Variants in SDK2 observed in about 807,000 individuals in gnomAD.
The protein encoded by SDK2 is protein sidekick-2.
A neutral mutation model predicts 253.9 loss-of-function variants in SDK2; 105 were observed. The observed-to-expected ratio is 0.41, with a 90% CI of 0.35 to 0.49. SDK2 has a LOEUF of 0.49. Ranked by LOEUF, SDK2 falls within the 20% of genes least tolerant of loss-of-function variation. SDK2 has a pLI of 0.06. For missense variants in SDK2, 2,608 were observed against 3,003.0 expected, an observed-to-expected ratio of 0.87 and a Z score of 3.07; for synonymous variants, 1,249 against 1,234.9, an observed-to-expected ratio of 1.01 and a Z score of -0.24.
chr17:73,444,008 G>A (rs912938821), intron 5 of SDK2, among the ~76,000 whole-genome samples: 2 of 152,208 alleles, frequency 1.3e-5, no homozygotes, highest in Admixed American at 1.3e-4. Context: ...GTTAATGAAT[G>A]AAAGAGCGTG....
At chr17:73,485,665 C>T (rs78867283) in intron 2 of SDK2, among the ~76,000 whole-genome samples, 4,612 of 152,288 alleles carry the variant, frequency 0.03, 215 homozygotes, top group African/African-American at 0.11. Context: ...CAAAATATAA[C>T]AATATCAAGT....
intron 5 of SDK2, among the ~76,000 whole-genome samples, chr17:73,442,880 C>T (rs1599571028): frequency 1.3e-5 from 2 of 149,188 alleles, no homozygotes. Context: ...GTAGCAATTC[C>T]TTTTTTTTAT....
intron 36 of SDK2, among the ~76,000 whole-genome samples, chr17:73,378,310 C>G (rs1219347871): frequency 6.6e-6 from 1 of 152,038 alleles, no homozygotes; most frequent in African/African-American, 2.4e-5. Context: ...CTATGTTGCC[C>G]AGGCTGTTCT....
chr17:73,595,076 A>G (rs2045736416), intron 1 of SDK2, among the ~76,000 whole-genome samples: 1 of 152,010 alleles, frequency 6.6e-6, no homozygotes, highest in Non-Finnish European at 1.5e-5. Context: ...TGTTGTTTCT[A>G]CCTCTGTACC....
Position 73,365,298 on chromosome 17 carries a change from C to T in SDK2, c.5265G>A (p.Glu1755=). The T allele has an allele frequency of 6.2e-7, 1 of 1,613,228 alleles. No homozygotes were observed. Among genetic ancestry groups the T allele is most frequent in the South Asian group, 1.1e-5 (1 of 90,926 alleles). ...EAPQFPNGIL[E]GYRLVYEPCS... is the part of the protein sequence containing the mutation. ...AGGGCTCGTACACCAGCCTGTAGCC[C>T]TCCAGGATGCCATTGGGGAACTGCG... Residue 1755 remains glutamate (E), a synonymous_variant, in exon 38 of 45, where the codon GAG becomes GAA. Coordinates refer to ENST00000392650, the MANE Select transcript of SDK2 (RefSeq NM_001144952.2).
At chr17:73,357,896 G>C in intron 40 of SDK2, 183 bp downstream of exon 40, 1 of 895,392 alleles carries the variant, frequency 1.1e-6, no homozygotes, top group Admixed American at 1.8e-5. Context: ...ACTTAGCTAG[G>C]AGTCCAGCTC....
At chr17:73,400,911 G>A (rs969929648) in intron 21 of SDK2, 109 bp downstream of exon 21, 2 of 1,073,208 alleles carry the variant, frequency 1.9e-6, no homozygotes, top group African/African-American at 3.2e-5. Context: ...GCCTCCCAAG[G>A]TGCTGGGACT....
At chr17:73,437,843 G>C (rs1356240411) in intron 7 of SDK2, 21 bp from the exon 8 acceptor site, 3 of 1,613,042 alleles carry the variant, frequency 1.9e-6, no homozygotes, top group African/African-American at 2.7e-5. Flanking sequence ...AAGGACCAGG[G>C]GAGGGGGTCA....
intron 1 of SDK2, among the ~76,000 whole-genome samples, chr17:73,641,997 AGGGGACCT>A: frequency 6.6e-6 from 1 of 152,340 alleles, no homozygotes; most frequent in Admixed American, 6.5e-5. Flanking sequence ...GCGGAGCAGC[AGGGGACCT>A]GGGCAGCCTG....
At chr17:73,344,823 A>G (rs1377499780) in intron 44 of SDK2, among the ~76,000 whole-genome samples, 1 of 152,226 alleles carries the variant, frequency 6.6e-6, no homozygotes, top group African/African-American at 2.4e-5. Flanking sequence ...AGAGCCGTTC[A>G]GTAGAATGGT....
At chr17:73,561,180 C>T (rs369717228) in intron 1 of SDK2, among the ~76,000 whole-genome samples, 122 of 152,238 alleles carry the variant, frequency 8.0e-4, no homozygotes, top group African/African-American at 2.8e-3. Flanking sequence ...AGGGGCCAAG[C>T]GAGCTATTTT....
rs8078868 is a variant in SDK2 at position 73,422,137 on chromosome 17, C to T, written c.2045+150G>A. 5,617 of 798,816 alleles carry T rather than the reference C, an allele frequency of 7.0e-3. 225 individuals are homozygous for T. The African/African-American group carries it at 0.084, about 12-fold the overall frequency. 49.5% of individuals were successfully genotyped at this position (798,816 alleles called of 1,614,324 possible). On this transcript the variant is annotated intron_variant, in intron 15 of 44. Coordinates refer to ENST00000392650, the MANE Select transcript of SDK2 (RefSeq NM_001144952.2). Reference sequence around the variant, plus strand: ...TAACCTTTGCAACATCCTGGTGAGGCACTCATCAGGATTGCTCTCCCCTTC... The same window carrying T: ...TAACCTTTGCAACATCCTGGTGAGGTACTCATCAGGATTGCTCTCCCCTTC...
intron 36 of SDK2, among the ~76,000 whole-genome samples, chr17:73,370,136 A>C (rs1233377341): frequency 1.3e-5 from 2 of 152,222 alleles, no homozygotes; most frequent in African/African-American, 4.8e-5. Context: ...GGAAGCCCAT[A>C]AAGTGAGAAA....
intron 2 of SDK2, among the ~76,000 whole-genome samples, chr17:73,501,429 C>T (rs1489702839): frequency 6.6e-6 from 1 of 152,262 alleles, no homozygotes; most frequent in Non-Finnish European, 1.5e-5. Context: ...AGTGTCCACA[C>T]CTTGAGGAGG....
intron 18 of SDK2, among the ~76,000 whole-genome samples, chr17:73,405,449 A>C (rs1036693799): frequency 3.3e-5 from 4 of 120,916 alleles, no homozygotes; most frequent in African/African-American, 1.2e-4. Flanking sequence ...CAAAAAAAAA[A>C]AAAAACAAAC....
At chr17:73,552,392 C>A (rs1327739171) in intron 1 of SDK2, among the ~76,000 whole-genome samples, 2 of 152,024 alleles carry the variant, frequency 1.3e-5, no homozygotes, top group African/African-American at 4.8e-5. Context: ...GAGATAGAAC[C>A]CCCTCATGTT....
chr17:73,362,410 T>C (rs574601064), intron 38 of SDK2, among the ~76,000 whole-genome samples: 123 of 149,084 alleles, frequency 8.3e-4, no homozygotes, highest in African/African-American at 2.2e-3. Context: ...GCCACAATTT[T>C]TTTTTTTTTT....
At chr17:73,376,597 T>A (rs1331842188) in intron 36 of SDK2, among the ~76,000 whole-genome samples, 1 of 152,120 alleles carries the variant, frequency 6.6e-6, no homozygotes, top group South Asian at 2.1e-4. Context: ...CGGGTCATGT[T>A]TTCTGGAGCA....
rs143099650 is a variant in SDK2, at chr17:73,347,302, G to A, written c.6165+1297C>T. Among the ~76,000 whole-genome samples, 681 of 152,310 alleles carry A rather than the reference G, an allele frequency of 4.5e-3. 6 individuals are homozygous for A. Among genetic ancestry groups the A allele is most frequent in the African/African-American group, 0.016 (659 of 41,570 alleles). ...TTGAACCCAGGAGGCAGAGGTCTCA[G>A]TAAGTGGAGATTGCGCCACTGCACT... On this transcript the variant is annotated intron_variant, in intron 44 of 44. Transcript: ENST00000392650.
Sources: allele counts gnomAD v4.1 joint callset (sites outside exome capture counted in the v4.1 genomes callset), GRCh38; gene constraint gnomAD v4.1.1; transcripts MANE v1.5; gene names NCBI Gene and HGNC (gene_info 2026-07-23, HGNC 2026-07-21).